DLGAP2: variants seen among roughly 807,000 people sequenced by gnomAD.
The protein encoded by DLGAP2 is DLG associated protein 2.
A neutral mutation model predicts 100.3 loss-of-function variants in DLGAP2; 26 were observed. That is an observed-to-expected ratio of 0.26 (90% CI 0.19 to 0.36). The LOEUF (loss-of-function observed/expected upper bound fraction) is 0.36, where lower values mean the gene tolerates loss of function less well. DLGAP2 is among the 10% of genes least tolerant of loss of function. The pLI is 1.00. For missense variants in DLGAP2, 1,858 were observed against 1,453.2 expected (o/e 1.28, Z -4.53); for synonymous variants, 886 against 630.1 (o/e 1.41, Z -6.08).
intron 1 of DLGAP2, among the ~76,000 whole-genome samples, chr8:871,578 G>A (rs537690597): frequency 1.3e-5 from 2 of 152,260 alleles, no homozygotes; most frequent in Admixed American, 1.3e-4. Flanking sequence ...AAGTGTTCCA[G>A]CTTCCAAAAC....
chr8:1,323,280 T>G (rs1026013896), intron 3 of DLGAP2, among the ~76,000 whole-genome samples: 8 of 152,268 alleles, frequency 5.3e-5, no homozygotes, highest in African/African-American at 1.7e-4. Context: ...TCCACCCGCC[T>G]CAGCCTCCCA....
chr8:856,604 T>C (rs552427482), intron 1 of DLGAP2, among the ~76,000 whole-genome samples: 5 of 152,176 alleles, frequency 3.3e-5, no homozygotes, highest in Admixed American at 1.3e-4. Context: ...GAATTTGAGA[T>C]TGAAAACACA....
At chr8:1,184,024 T>C (rs998339192) in intron 2 of DLGAP2, among the ~76,000 whole-genome samples, 2 of 152,226 alleles carry the variant, frequency 1.3e-5, no homozygotes, top group Non-Finnish European at 2.9e-5. Context: ...ACTGTTAATA[T>C]TATATGATGG....
intron 3 of DLGAP2, among the ~76,000 whole-genome samples, chr8:1,477,303 A>T (rs985026606): frequency 2.6e-5 from 4 of 152,124 alleles, no homozygotes; most frequent in African/African-American, 9.7e-5. Context: ...ACAGACATGG[A>T]GTGTCCCAGG....
At chr8:923,026 A>G (rs1362313812) in intron 2 of DLGAP2, among the ~76,000 whole-genome samples, 1 of 151,950 alleles carries the variant, frequency 6.6e-6, no homozygotes, top group Non-Finnish European at 1.5e-5. Context: ...TCTGTATCAC[A>G]CTCGGGTGTG....
At chr8:1,210,724 C>G (rs983054429) in intron 2 of DLGAP2, among the ~76,000 whole-genome samples, 1 of 151,094 alleles carries the variant, frequency 6.6e-6, no homozygotes, top group Admixed American at 6.6e-5. Context: ...ACTGACCCCC[C>G]ACCCCCGGCC....
At chr8:1,493,326 C>T (rs1430471558) in intron 3 of DLGAP2, among the ~76,000 whole-genome samples, 1 of 151,722 alleles carries the variant, frequency 6.6e-6, no homozygotes, top group Non-Finnish European at 1.5e-5. Flanking sequence ...CCGTGGCTTT[C>T]AGACACGCCT....
At chr8:808,529 A>G (rs930201966) in intron 1 of DLGAP2, among the ~76,000 whole-genome samples, 3 of 152,194 alleles carry the variant, frequency 2.0e-5, no homozygotes, top group Non-Finnish European at 4.4e-5. Flanking sequence ...CCTCATCTGA[A>G]TGGAACCACA....
intron 2 of DLGAP2, among the ~76,000 whole-genome samples, chr8:1,081,751 G>T (rs1448333965): frequency 6.6e-6 from 1 of 152,172 alleles, no homozygotes; most frequent in African/African-American, 2.4e-5. Flanking sequence ...GGCACCCAAA[G>T]TTCACCCAGG....
At chr8:1,130,097 TCACGCGAG>T in intron 2 of DLGAP2, among the ~76,000 whole-genome samples, 1 of 2,054 alleles carries the variant, frequency 4.9e-4, no homozygotes, top group South Asian at 4.4e-3. Flanking sequence ...GTCAGACACT[TCACGCGAG>T]TTAAGGGATC....
intron 1 of DLGAP2, among the ~76,000 whole-genome samples, chr8:761,569 G>A (rs1821085174): frequency 6.6e-6 from 1 of 152,224 alleles, no homozygotes; most frequent in Admixed American, 6.5e-5. Context: ...GGCCAGTGTG[G>A]GGGATCCTGG....
chr8:876,007 C>A (rs1797682383), intron 1 of DLGAP2, among the ~76,000 whole-genome samples: 2 of 152,156 alleles, frequency 1.3e-5, no homozygotes, highest in South Asian at 4.1e-4. Flanking sequence ...TATGACTTTA[C>A]CACCTGTAAT....
At chr8:1,263,125 A>G (rs548525864) in intron 3 of DLGAP2, among the ~76,000 whole-genome samples, 8 of 152,346 alleles carry the variant, frequency 5.3e-5, no homozygotes, top group African/African-American at 1.7e-4. Flanking sequence ...AAATGCTACA[A>G]AAATGTTGGG....
At chr8:1,118,795 G>C (rs947505182) in intron 2 of DLGAP2, among the ~76,000 whole-genome samples, 7 of 152,050 alleles carry the variant, frequency 4.6e-5, no homozygotes, top group African/African-American at 1.7e-4. Flanking sequence ...AACGACCTTG[G>C]GTGAGTTCTT....
At chr8:1,689,164 C>A (rs889052996) in intron 12 of DLGAP2, among the ~76,000 whole-genome samples, 2 of 152,206 alleles carry the variant, frequency 1.3e-5, no homozygotes, top group African/African-American at 4.8e-5. Flanking sequence ...GTTTCGACTT[C>A]TGGAAAGGCT....
intron 1 of DLGAP2, among the ~76,000 whole-genome samples, chr8:795,420 C>A (rs948372534): frequency 6.6e-6 from 1 of 152,196 alleles, no homozygotes; most frequent in African/African-American, 2.4e-5. Flanking sequence ...CTAGACAGCA[C>A]CTCAGCACCA....
intron 10 of DLGAP2, among the ~76,000 whole-genome samples, chr8:1,672,242 T>TTTC (rs1554428108): frequency 6.6e-6 from 1 of 150,660 alleles, no homozygotes; most frequent in African/African-American, 2.4e-5. Context: ...TTTTTTTTTT[T>TTTC]TTGAGATGGA....
chr8:1,592,190 A>G (rs1266941382), intron 6 of DLGAP2, among the ~76,000 whole-genome samples: 1 of 152,134 alleles, frequency 6.6e-6, no homozygotes, highest in Non-Finnish European at 1.5e-5. Flanking sequence ...GCAGCTCTCC[A>G]TGGTTCCCCA....
intron 6 of DLGAP2, among the ~76,000 whole-genome samples, chr8:1,613,625 G>A (rs1455224269): frequency 6.6e-6 from 1 of 152,060 alleles, no homozygotes; most frequent in East Asian, 1.9e-4. Flanking sequence ...GGACAAGGGC[G>A]ATGCCTTCAT....
Sources: allele counts gnomAD v4.1 joint callset (sites outside exome capture counted in the v4.1 genomes callset), GRCh38; gene constraint gnomAD v4.1.1; transcripts MANE v1.5; gene names NCBI Gene and HGNC (gene_info 2026-07-23, HGNC 2026-07-21).